Variants in STAG3 observed in about 807,000 individuals in gnomAD.
STAG3 encodes cohesin subunit SA-3.
Under a neutral mutation model 160.7 loss-of-function variants are expected in STAG3, and 101 were observed. The ratio of observed to expected loss-of-function variants is 0.63; its 90% CI spans 0.54 to 0.74. The LOEUF is 0.74. STAG3 is among the 30% of genes least tolerant of loss of function. The probability of loss-of-function intolerance (pLI) is 0.00; values close to 1 mark genes in which losing one functional copy is unlikely to be tolerated. For synonymous variants in STAG3, 519 were observed against 585.0 expected, an observed-to-expected ratio of 0.89 and a Z score of 1.63; for missense variants, 1,188 against 1,517.4, an observed-to-expected ratio of 0.78 and a Z score of 3.61.
chr7:100,180,210 C>T (rs1204732535), intron 1 of STAG3, among the ~76,000 whole-genome samples: 1 of 152,108 alleles, frequency 6.6e-6, no homozygotes, highest in Non-Finnish European at 1.5e-5. Context: ...TGCTCTACCA[C>T]ACCTGACTAA....
At chr7:100,208,499 T>C (rs1801867563) in intron 29 of STAG3, among the ~76,000 whole-genome samples, 1 of 152,154 alleles carries the variant, frequency 6.6e-6, no homozygotes. Context: ...ACCAAGAAGA[T>C]GGAATTGCTG....
At chr7:100,198,773 TC>T (rs1279576495) in intron 13 of STAG3, 69 bp from the exon 14 acceptor site, 12 of 1,410,694 alleles carry the variant, frequency 8.5e-6, no homozygotes, top group African/African-American at 1.4e-5. Context: ...GGCCATCTCC[TC>T]CCTCTGTGGT....
chr7:100,211,622 C>A, intron 31 of STAG3, 83 bp downstream of exon 31: 1 of 1,516,328 alleles, frequency 6.6e-7, no homozygotes, highest in Non-Finnish European at 9.1e-7. Context: ...CATTGCCTCT[C>A]TGTGGGTGCT....
At chr7:100,199,408 C>A (rs2272345) in intron 15 of STAG3, 41 bp downstream of exon 15, 4 of 1,580,372 alleles carry the variant, frequency 2.5e-6, no homozygotes, top group African/African-American at 1.3e-5. Context: ...CCTTCCACCC[C>A]CTAGGGTGAA....
At position 100,202,503 on chromosome 7, in the gene STAG3, C is replaced by G. The variant is rs1448030335; in HGVS notation, c.2613C>G (p.Arg871=). The G allele has an allele frequency of 1.9e-6, 3 of 1,614,202 alleles. No individual in the cohort carries two copies. The Admixed American group carries it at 5.0e-5, about 27-fold the overall frequency. ...AGATAGAGCGGCTACACCAGCGGCG[C>G]CGCCTCCTAGCCGGGTTCTGCAAGC... is the stretch of plus-strand genomic sequence containing the variant. ...HLQIERLHQR[R]RLLAGFCKLL... The change falls in exon 25 of 34, where the codon CGC becomes CGG. Residue 871 remains arginine, a synonymous_variant. Coordinates refer to ENST00000615138, the MANE Select transcript of STAG3 (RefSeq NM_001282717.2).
Position 100,198,921 on chromosome 7 carries a change from C to G in STAG3, c.1431C>G (p.Phe477Leu). 1 of 1,612,248 alleles carries G rather than the reference C, an allele frequency of 6.2e-7. No individual in the cohort carries two copies. The highest frequency in any genetic ancestry group is 8.5e-7 in the Non-Finnish European group (1 of 1,180,020). ...QRQSPGAQRT[F>L]FQLLLSFFVE... is the part of the protein sequence containing the mutation. ...AGAGCCCAGGCGCCCAGAGGACTTTCTTCCAGCTTCTGCTGTCCTTCTTTG... is the reference window on the plus strand; with the variant it reads ...AGAGCCCAGGCGCCCAGAGGACTTTGTTCCAGCTTCTGCTGTCCTTCTTTG... Residue 477 changes from phenylalanine to leucine, a missense_variant, in exon 14 of 34, where the codon TTC becomes TTG. Around this residue, in one of 4 missense-constraint regions of STAG3, gnomAD observed 240 missense variants for 358.1 expected, o/e 0.67. Coordinates refer to ENST00000615138, the MANE Select transcript of STAG3 (RefSeq NM_001282717.2).
At chr7:100,203,430 C>G (rs768528896) in intron 25 of STAG3, among the ~76,000 whole-genome samples, 1 of 152,140 alleles carries the variant, frequency 6.6e-6, no homozygotes, top group Non-Finnish European at 1.5e-5. Flanking sequence ...ATCCGCCCAA[C>G]TTGGCCTCCC....
intron 29 of STAG3, among the ~76,000 whole-genome samples, chr7:100,209,596 A>G (rs879553177): frequency 4.6e-5 from 7 of 152,176 alleles, no homozygotes; most frequent in Non-Finnish European, 8.8e-5. Context: ...TGTGTCGAAA[A>G]CGACAGGAGA....
In STAG3 at chr7:100,186,253, T is replaced by G. The variant is rs773224493; in HGVS notation, c.390T>G (p.Phe130Leu). The G allele has an allele frequency of 1.2e-6, 2 of 1,614,186 alleles. No homozygotes were observed. The highest frequency in any genetic ancestry group is 1.7e-6 in the Non-Finnish European group (2 of 1,180,018). The change falls in exon 5 of 34, where the codon TTT becomes TTG. Residue 130 changes from phenylalanine to leucine, a missense_variant. By Grantham distance (22) the Phe-to-Leu change is conservative (BLOSUM62 0). Transcript: ENST00000615138. The stretch of plus-strand genomic sequence containing the variant: ...ACAAGCAAGACCAGGATGCAGGATT[T>G]CTGGAGCTTGTTAACTTTTTCATCC... ...DSYKQDQDAG[F>L]LELVNFFIQS... is the part of the protein sequence containing the mutation.
rs975404062 is a variant in STAG3 at position 100,204,507 on chromosome 7, A to G, written c.2803-120A>G. Reference sequence around the variant, plus strand: ...AGTTCCCTAGAAGGAAGGAAAGAGTAAAAGTAGTAGATGGTGTCCCAAGGC... The same window carrying G: ...AGTTCCCTAGAAGGAAGGAAAGAGTGAAAGTAGTAGATGGTGTCCCAAGGC... On this transcript the variant is annotated intron_variant, in intron 26 of 33. Coordinates refer to ENST00000615138, the MANE Select transcript of STAG3 (RefSeq NM_001282717.2). 137 of 1,257,858 alleles carry G rather than the reference A, an allele frequency of 1.1e-4. 1 individual carries two copies. In the South Asian group the frequency reaches 1.4e-3, roughly 13 times the overall value. The allele number at this position is 1,257,858 out of a possible 1,614,324, so 77.9% of individuals were successfully genotyped here. A position where few individuals can be genotyped will look rare whatever the true frequency, so the allele number is the denominator to read the frequency against.
At chr7:100,201,725 G>A in intron 21 of STAG3, 61 bp from the exon 22 acceptor site, 1 of 1,415,212 alleles carries the variant, frequency 7.1e-7, no homozygotes, top group South Asian at 1.2e-5. Flanking sequence ...GTGTGTTTCT[G>A]GCTATCTGTC....
chr7:100,213,944 G>C, intron 33 of STAG3, 63 bp from the exon 34 acceptor site: 1 of 1,613,794 alleles, frequency 6.2e-7, no homozygotes, highest in East Asian at 2.2e-5. Context: ...ACCCAGGGGA[G>C]GATGGTCTGC....
Position 100,200,827 on chromosome 7 carries a change from C to A in STAG3, c.1919C>A (p.Ala640Glu), listed in dbSNP as rs375338973. 2 of 1,614,216 alleles carry A rather than the reference C, an allele frequency of 1.2e-6. No individual in the cohort carries two copies. The highest frequency in any genetic ancestry group is 1.7e-6 in the Non-Finnish European group (2 of 1,180,048). ...QEVVVKHAEP[A>E]VLEAGAHALY... ...GTGGTGGTGAAGCATGCAGAGCCAG[C>A]GGTGCTTGAGGCTGGGGCGCATGCC... The change falls in exon 19 of 34, where the codon GCG (alanine) becomes GAG (glutamate). Residue 640 changes from alanine to glutamate, a missense_variant. Transcript: ENST00000615138.
chr7:100,188,917 C>T lies in STAG3; in HGVS notation c.616C>T (p.Leu206Phe), dbSNP rs2117152651. The T allele has an allele frequency of 6.2e-7, 1 of 1,614,174 alleles. No homozygotes were observed. The highest frequency in any genetic ancestry group is 8.5e-7 in the Non-Finnish European group (1 of 1,180,018). ...ATTGGTCTGTCAGTGCCAGTACAGC[C>T]TCCTCTATGATGGCTTCCCTATGGA... ...RTLVCQCQYS[L>F]LYDGFPMDDL... Residue 206 changes from leucine (L) to phenylalanine (F), a missense_variant, in exon 7 of 34, where the codon CTC (leucine) becomes TTC (phenylalanine). Coordinates refer to ENST00000615138, the MANE Select transcript of STAG3 (RefSeq NM_001282717.2).
In STAG3 at chr7:100,180,897, T is replaced by G. The variant is rs1293623494; in HGVS notation, c.116+225T>G. 5.8e-5 allele frequency: 21 copies of G among 359,892 alleles called. No individual in the cohort carries two copies. In the East Asian group the frequency reaches 7.4e-4, roughly 13 times the overall value. The allele number at this position is 359,892 out of a possible 1,614,324, so 22.3% of individuals were successfully genotyped here. ...TACATCCTGTTTTTTTTTTTTTTTT[T>G]GAGACGGAGTCTCGCCCTGTCGCCC... On this transcript the variant is annotated intron_variant, in intron 2 of 33. Coordinates refer to ENST00000615138, the MANE Select transcript of STAG3 (RefSeq NM_001282717.2).
Position 100,201,885 on chromosome 7 carries a change from T to C in STAG3, c.2301+19T>C, listed in dbSNP as rs770482641. 1.4e-5 allele frequency: 23 copies of C among 1,613,992 alleles called. No homozygotes were observed. Among genetic ancestry groups the C allele is most frequent in the Non-Finnish European group, 1.9e-5 (23 of 1,179,958 alleles). On this transcript the variant is annotated intron_variant, in intron 22 of 33. Transcript: ENST00000615138. ...TTCCCAGGTGAGTGTGGGTCTTAGA[T>C]GGGATAATGGGAACAGAGGAGTCTG...
Position 100,205,289 on chromosome 7 carries a change from C to G in STAG3, c.3143C>G (p.Pro1048Arg). 6.2e-7 allele frequency: 1 copy of G among 1,614,156 alleles called. No homozygotes were observed. The highest frequency in any genetic ancestry group is 8.5e-7 in the Non-Finnish European group (1 of 1,180,022). Residue 1048 changes from proline to arginine, a missense_variant, in exon 29 of 34, where the codon CCA (proline) becomes CGA (arginine). Transcript: ENST00000615138. ...CAGGCACCTGGCCATCCCTGGGGCC[C>G]AGTCACCACCTACTGCCACTCCCTC... The part of the protein sequence containing the change: ...VSQAPGHPWG[P>R]VTTYCHSLSP...
intron 32 of STAG3, chr7:100,213,370 A>G (rs1015652273): frequency 5.7e-5 from 56 of 985,266 alleles, no homozygotes; most frequent in Non-Finnish European, 6.6e-5. Context: ...GGAAGGAAAA[A>G]GAACAGAATA....
At chr7:100,201,738 T>A in intron 21 of STAG3, 48 bp from the exon 22 acceptor site, 3 of 1,536,534 alleles carry the variant, frequency 2.0e-6, no homozygotes, top group Non-Finnish European at 2.7e-6. Flanking sequence ...TATCTGTCTC[T>A]CCCTCTCCTA....
Sources: gnomAD v4.1 joint callset for allele counts (sites outside exome capture counted in the v4.1 genomes callset) on GRCh38, gnomAD v4.1.1 for gene constraint, gnomAD v4.1.1 regional missense constraint, MANE v1.5 for transcripts, NCBI Gene and HGNC (gene_info 2026-07-23, HGNC 2026-07-21) for gene names.